The following MCFD2 variants were observed in gnomAD, a reference collection of about 807,000 sequenced individuals.
MCFD2 encodes the protein multiple coagulation factor deficiency 2, ER cargo receptor complex subunit, also known as multiple coagulation factor deficiency protein 2.
A neutral mutation model predicts 12.8 loss-of-function variants in MCFD2; 11 were observed. The ratio of observed to expected loss-of-function variants is 0.86; its 90% CI spans 0.54 to 1.42. MCFD2 has a LOEUF of 1.42. MCFD2 is among the 40% of genes most tolerant of loss of function. The probability of loss-of-function intolerance (pLI) is 0.00; values close to 1 mark genes in which losing one functional copy is unlikely to be tolerated. For missense variants in MCFD2, 191 were observed against 178.6 expected (o/e 1.07, Z -0.40); for synonymous variants, 70 against 68.1 (o/e 1.03, Z -0.14).
intron 1 of MCFD2, among the ~76,000 whole-genome samples, chr2:46,932,683 C>T (rs1669769418): frequency 6.6e-6 from 1 of 151,904 alleles, no homozygotes; most frequent in Non-Finnish European, 1.5e-5. Flanking sequence ...GGTGGATCAC[C>T]TGAGTTTAGG....
chr2:46,915,804 T>TGGGGG lies in MCFD2; in HGVS notation c.-89_-88insCCCCC. The TGGGGG allele has an allele frequency of 7.0e-6, 4 of 568,420 alleles. No homozygotes were observed. Among genetic ancestry groups the TGGGGG allele is most frequent in the South Asian group, 1.0e-4 (1 of 9,538 alleles). 35.2% of individuals were successfully genotyped at this position (568,420 alleles called of 1,614,324 possible). The stretch of plus-strand genomic sequence containing the variant: ...GTCCCCAAAACGCTCTTCCTCGGCT[T>TGGGGG]CGCCCCGCCCCCCCCCCCCCCCCGA... On this transcript the variant is annotated 5_prime_UTR_variant, in exon 1 of 4. Coordinates refer to ENST00000319466, the MANE Select transcript of MCFD2 (RefSeq NM_139279.6).
chr2:46,905,434 T>C lies in MCFD2; in HGVS notation c.*29A>G, dbSNP rs1202821676. The stretch of plus-strand genomic sequence containing the variant: ...ATCACATTATCACGGGTCACATTTG[T>C]ATATAACCAGGAGATGGCCAAATAA... On this transcript the variant is annotated 3_prime_UTR_variant, in exon 4 of 4. Coordinates refer to ENST00000319466, the MANE Select transcript of MCFD2 (RefSeq NM_139279.6). 6.2e-7 allele frequency: 1 copy of C among 1,610,956 alleles called. No homozygotes were observed. Among genetic ancestry groups the C allele is most frequent in the East Asian group, 2.2e-5 (1 of 44,834 alleles).
chr2:46,927,412 A>G (rs1283568770), intron 1 of MCFD2, among the ~76,000 whole-genome samples: 1 of 146,348 alleles, frequency 6.8e-6, no homozygotes, highest in Non-Finnish European at 1.5e-5. Flanking sequence ...GCTGGAGTGC[A>G]GTGGCGTGAT....
Position 46,922,854 on chromosome 2 carries a change from C to G in MCFD2, c.-7-14885G>C, listed in dbSNP as rs1158089895. Among the ~76,000 whole-genome samples the G allele has an allele frequency of 5.3e-5, 8 of 152,276 alleles. No homozygotes were observed. In the East Asian group the frequency reaches 1.5e-3, roughly 29 times the overall value. On this transcript the variant is annotated intron_variant, in intron 1 of 2. Coordinates refer to the MCFD2 transcript ENST00000409147. ...ATCTACCTAGAGATAACCTCAGAAACCGCAGGTTGAGGGTTCAGTTTTACA... is the reference window on the plus strand; with the variant it reads ...ATCTACCTAGAGATAACCTCAGAAAGCGCAGGTTGAGGGTTCAGTTTTACA...
upstream of MCFD2, chr2:46,917,081 T>C (rs1188640894): frequency 8.9e-6 from 6 of 675,594 alleles, no homozygotes; most frequent in Non-Finnish European, 1.1e-5. Context: ...CCACTGCCAT[T>C]GACGGTCTCA....
At chr2:46,915,921 G>A (rs1388236660), upstream of MCFD2, 2 of 985,030 alleles carry the variant, frequency 2.0e-6, no homozygotes, top group Admixed American at 1.2e-4. Flanking sequence ...GACGGCTCGC[G>A]TGAGTCCACG....
chr2:46,929,500 T>G lies in MCFD2; in HGVS notation c.-8+12072A>C, dbSNP rs982642188. Among the ~76,000 whole-genome samples the G allele has an allele frequency of 7.2e-5, 11 of 152,022 alleles. 1 individual carries two copies. Among genetic ancestry groups the G allele is most frequent in the Admixed American group, 5.2e-4 (8 of 15,256 alleles). On this transcript the variant is annotated intron_variant, in intron 1 of 2. Transcript: ENST00000409147. ...CCCTGTCTCAAAATACATAAATAAA[T>G]AAAGAAATAAATAGCTCTTCTAAAT...
At chr2:46,910,216 T>C (rs879453449) in intron 1 of MCFD2, among the ~76,000 whole-genome samples, 9 of 152,164 alleles carry the variant, frequency 5.9e-5, no homozygotes, top group Non-Finnish European at 8.8e-5. Flanking sequence ...GGGAGAACTT[T>C]AACCCCACCA....
At chr2:46,915,445 G>T (rs966788308) in intron 1 of MCFD2, among the ~76,000 whole-genome samples, 1 of 152,168 alleles carries the variant, frequency 6.6e-6, no homozygotes, top group African/African-American at 2.4e-5. Flanking sequence ...ACCCGACACA[G>T]CTGGTCCCAC....
intron 1 of MCFD2, among the ~76,000 whole-genome samples, chr2:46,923,375 G>A (rs1669206902): frequency 2.6e-5 from 4 of 152,310 alleles, no homozygotes; most frequent in Middle Eastern, 3.4e-3. Context: ...CCTGGGGGCT[G>A]CCAGCCATCA....
At chr2:46,920,209 G>A (rs909117155), upstream of MCFD2, among the ~76,000 whole-genome samples, 4 of 152,132 alleles carry the variant, frequency 2.6e-5, no homozygotes, top group African/African-American at 7.2e-5. Flanking sequence ...CATAATGTAT[G>A]TATTAAATCA....
Position 46,941,388 on chromosome 2 carries a change from ACCCTCCGCCGCCCGGGCC to A in MCFD2, c.-8+166_-8+183del. On this transcript the variant is annotated intron_variant, in intron 1 of 2. Coordinates refer to the MCFD2 transcript ENST00000409147. This position sits in a 1 kb window ranked among gnomAD's most constrained non-coding sequence, Gnocchi z 4.2. Reference sequence around the variant, plus strand: ...GGTGCTGCTGCTGCTGCTGCTGCCCACCCTCCGCCGCCCGGGCCCCCGCTGCCGCCCGGGCCCCGGCTG... The same window carrying A: ...GGTGCTGCTGCTGCTGCTGCTGCCCACCCGCTGCCGCCCGGGCCCCGGCTG... The A allele has an allele frequency of 5.2e-6, 3 of 575,564 alleles. No homozygotes were observed. Among genetic ancestry groups the A allele is most frequent in the Non-Finnish European group, 7.2e-6 (3 of 417,718 alleles). The allele number at this position is 575,564 out of a possible 1,614,324, so 35.7% of individuals were successfully genotyped here.
Position 46,940,719 on chromosome 2 carries a change from G to A in MCFD2, c.-8+853C>T, listed in dbSNP as rs1171855873. ...AAATACAAATGCTCCCAGCAGAGGG[G>A]CGTCCAGAGAGTCGCGGGCCTGGGA... On this transcript the variant is annotated intron_variant, in intron 1 of 2. Transcript: ENST00000409147. The surrounding 1 kb of genome is among the most constrained non-coding windows in gnomAD (Gnocchi z 4.7). Among the ~76,000 whole-genome samples the A allele has an allele frequency of 2.0e-5, 3 of 152,238 alleles. No homozygotes were observed. The highest frequency in any genetic ancestry group is 2.9e-5 in the Non-Finnish European group (2 of 68,034).
rs1356182597 is a variant in MCFD2, at chr2:46,904,666, C to A, written c.*797G>T. 1 of 152,356 alleles carries A rather than the reference C, an allele frequency of 6.6e-6. No individual in the cohort carries two copies. Among genetic ancestry groups the A allele is most frequent in the Non-Finnish European group, 1.5e-5 (1 of 68,210 alleles). The allele number at this position is 152,356 out of a possible 1,614,324, so 9.4% of individuals were successfully genotyped here. A position where few individuals can be genotyped will look rare whatever the true frequency, so the allele number is the denominator to read the frequency against. ...GCCGTCTTTAATCAATACCTGTACC[C>A]CTGTTGGTATCTAGGAAGTAACTAG... On this transcript the variant is annotated 3_prime_UTR_variant, in exon 4 of 4. Transcript: ENST00000319466.
At chr2:46,911,718 G>A (rs1411867443) in intron 1 of MCFD2, among the ~76,000 whole-genome samples, 1 of 150,790 alleles carries the variant, frequency 6.6e-6, no homozygotes, top group Admixed American at 6.6e-5. Context: ...TCAGGAGATC[G>A]AGACCACCCT....
chr2:46,920,759 G>A (rs1669062441), upstream of MCFD2, among the ~76,000 whole-genome samples: 1 of 151,860 alleles, frequency 6.6e-6, no homozygotes, highest in Non-Finnish European at 1.5e-5. Flanking sequence ...TTCCTTCAAA[G>A]GCATTTTCAT....
In MCFD2 at chr2:46,908,964, C is replaced by G. The variant is rs1668362550; in HGVS notation, c.149+59G>C. On this transcript the variant is annotated intron_variant, in intron 2 of 3. Coordinates refer to ENST00000319466, the MANE Select transcript of MCFD2 (RefSeq NM_139279.6). This position sits in a 1 kb window ranked among gnomAD's most constrained non-coding sequence, Gnocchi z 4.5. ...AGGAGGACTGAGCATGCCCTTGCCG[C>G]TGGCTCAGCTGCAGATGATGGGGAG... The G allele has an allele frequency of 6.2e-7, 1 of 1,611,202 alleles. No homozygotes were observed. The highest frequency in any genetic ancestry group is 2.2e-5 in the East Asian group (1 of 44,872).
At chr2:46,936,578 C>A (rs1296721412) in intron 1 of MCFD2, among the ~76,000 whole-genome samples, 6 of 152,178 alleles carry the variant, frequency 3.9e-5, no homozygotes, top group Non-Finnish European at 7.3e-5. Flanking sequence ...CGCAGACTCT[C>A]ATGGTTCTGT....
At chr2:46,930,848 T>C (rs1321386225) in intron 1 of MCFD2, among the ~76,000 whole-genome samples, 1 of 152,100 alleles carries the variant, frequency 6.6e-6, no homozygotes, top group Non-Finnish European at 1.5e-5. Flanking sequence ...TTTTAAACCT[T>C]CCCATAAATA....
Sources: allele counts gnomAD v4.1 joint callset (sites outside exome capture counted in the v4.1 genomes callset), GRCh38; gene constraint gnomAD v4.1.1; non-coding constraint Gnocchi (gnomAD v3.1); transcripts MANE v1.5; gene names NCBI Gene and HGNC (gene_info 2026-07-23, HGNC 2026-07-21).